The following TGFBI variants were observed in gnomAD, a reference collection of about 807,000 sequenced individuals.
The protein encoded by TGFBI is transforming growth factor beta induced.
Under a neutral mutation model 73.7 loss-of-function variants are expected in TGFBI, and 50 were observed. That is an observed-to-expected ratio of 0.68 (90% CI 0.54 to 0.86). TGFBI has a LOEUF of 0.86. TGFBI is among the 40% of genes least tolerant of loss of function. TGFBI has a pLI of 0.00. For synonymous variants in TGFBI, 362 were observed against 360.5 expected (o/e 1.00, Z -0.05); for missense variants, 839 against 877.0 (o/e 0.96, Z 0.55).
At chr5:136,057,244 G>A (rs1358829334) in intron 12 of TGFBI, among the ~76,000 whole-genome samples, 5 of 152,184 alleles carry the variant, frequency 3.3e-5, no homozygotes, top group Admixed American at 6.5e-5. Context: ...GCAGGAAACC[G>A]GGCAGAGAGG....
Position 136,029,039 on chromosome 5 carries a change from G to T in TGFBI, c.-17G>T. On this transcript the variant is annotated 5_prime_UTR_variant, in exon 1 of 17. Transcript: ENST00000442011. ...CCCGTCGGTCGCTAGCTCGCTCGGT[G>T]CGCGTCGTCCCGCTCCATGGCGCTC... The T allele has an allele frequency of 6.6e-7, 1 of 1,520,686 alleles. No homozygotes were observed. Among genetic ancestry groups the T allele is most frequent in the Non-Finnish European group, 8.8e-7 (1 of 1,141,232 alleles). The allele number at this position is 1,520,686 out of a possible 1,614,324, so 94.2% of individuals were successfully genotyped here.
chr5:136,036,313 G>A (rs1201522707), intron 2 of TGFBI, among the ~76,000 whole-genome samples: 1 of 152,208 alleles, frequency 6.6e-6, no homozygotes, highest in Non-Finnish European at 1.5e-5. Context: ...AGAAGGATAT[G>A]ACATTTACAT....
Position 136,062,328 on chromosome 5 carries a change from C to T in TGFBI, c.1987-335C>T, listed in dbSNP as rs555266940. Among the ~76,000 whole-genome samples, 5 of 152,190 alleles carry T rather than the reference C, an allele frequency of 3.3e-5. No homozygotes were observed. The East Asian group carries it at 5.8e-4, about 18-fold the overall frequency. On this transcript the variant is annotated intron_variant, in intron 15 of 16. Transcript: ENST00000442011. Reference sequence around the variant, plus strand: ...TACACAGGGGTCTCCTTAGTGCCCTCGAGAAGGATTCTTGGCCCTGAGCTT... The same window carrying T: ...TACACAGGGGTCTCCTTAGTGCCCTTGAGAAGGATTCTTGGCCCTGAGCTT...
Position 136,063,349 on chromosome 5 carries a change from C to T in TGFBI, c.*123C>T. 3 of 853,660 alleles carry T rather than the reference C, an allele frequency of 3.5e-6. No homozygotes were observed. The South Asian group carries it at 4.5e-5, about 13-fold the overall frequency. The allele number at this position is 853,660 out of a possible 1,614,324, so 52.9% of individuals were successfully genotyped here. A position where few individuals can be genotyped will look rare whatever the true frequency, so the allele number is the denominator to read the frequency against. ...ACACTTTAATGTACATGGGCCGCACCATAATGAGATGTGAGCCTTGTGCAT... is the reference window on the plus strand; with the variant it reads ...ACACTTTAATGTACATGGGCCGCACTATAATGAGATGTGAGCCTTGTGCAT... On this transcript the variant is annotated 3_prime_UTR_variant, in exon 17 of 17. Transcript: ENST00000442011.
Position 136,054,719 on chromosome 5 carries a change from G to T in TGFBI, c.1268G>T (p.Gly423Val), listed in dbSNP as rs1316427418. The change falls in exon 10 of 17, where the codon GGA becomes GTA. Residue 423 changes from glycine to valine, a missense_variant. Gly to Val is a moderately radical substitution (Grantham distance 109). Coordinates refer to ENST00000442011, the MANE Select transcript of TGFBI (RefSeq NM_000358.3). ...TAACCATCACCCTTTCTTGTAGATG[G>T]AACCCCTCCAATTGATGCCCATACA... ...LAPLNSVFKD[G>V]TPPIDAHTRN... 6.2e-7 allele frequency: 1 copy of T among 1,613,926 alleles called. No homozygotes were observed. The highest frequency in any genetic ancestry group is 8.5e-7 in the Non-Finnish European group (1 of 1,179,880).
intron 15 of TGFBI, among the ~76,000 whole-genome samples, chr5:136,061,807 C>T (rs543146447): frequency 5.6e-4 from 86 of 152,316 alleles, no homozygotes; most frequent in Middle Eastern, 3.4e-3. Flanking sequence ...GCTTTCACAC[C>T]GAGGCCTCTG....
At chr5:136,046,528 T>G in intron 4 of TGFBI, 33 bp downstream of exon 4, 1 of 1,568,642 alleles carries the variant, frequency 6.4e-7, no homozygotes, top group Non-Finnish European at 8.7e-7. Flanking sequence ...GGGGGACTCT[T>G]ATGGGGAACT....
At chr5:136,034,830 C>A (rs966162122) in intron 2 of TGFBI, among the ~76,000 whole-genome samples, 29 of 152,196 alleles carry the variant, frequency 1.9e-4, no homozygotes, top group Non-Finnish European at 1.5e-5. Flanking sequence ...GAAGGCCTGA[C>A]CTTCCTCCTG....
At chr5:136,051,246 A>G (rs924402058) in intron 7 of TGFBI, among the ~76,000 whole-genome samples, 1 of 152,166 alleles carries the variant, frequency 6.6e-6, no homozygotes, top group African/African-American at 2.4e-5. Context: ...CCTGGCCAAC[A>G]TGGTAAAACC....
At chr5:136,029,253 CGCTGGGGGCATTGAACTGG>C in intron 1 of TGFBI, 64 bp downstream of exon 1, 1 of 1,401,704 alleles carries the variant, frequency 7.1e-7, no homozygotes, top group Non-Finnish European at 9.2e-7. Flanking sequence ...GAGCGCAAGC[CGCTGGGGGCATTGAACTGG>C]GCTGGGGGCG....
rs762495959 is a variant in TGFBI at position 136,029,124 on chromosome 5, G to T, written c.69G>T (p.Ala23=). The part of the protein sequence containing the change: ...ALALGPAATL[A]GPAKSPYQLV... Reference sequence around the variant, plus strand: ...CCCTGGGCCCCGCCGCGACCCTGGCGGGTCCCGCCAAGTCGCCCTACCAGC... The same window carrying T: ...CCCTGGGCCCCGCCGCGACCCTGGCTGGTCCCGCCAAGTCGCCCTACCAGC... Residue 23 remains alanine (A), a synonymous_variant, in exon 1 of 17, where the codon GCG becomes GCT. Coordinates refer to ENST00000442011, the MANE Select transcript of TGFBI (RefSeq NM_000358.3). 1 of 1,525,372 alleles carries T rather than the reference G, an allele frequency of 6.6e-7. No homozygotes were observed. The highest frequency in any genetic ancestry group is 1.2e-5 in the South Asian group (1 of 82,978). 94.5% of individuals were successfully genotyped at this position (1,525,372 alleles called of 1,614,324 possible).
chr5:136,053,268 G>C (rs968845588), intron 8 of TGFBI, 149 bp downstream of exon 8: 5 of 726,676 alleles, frequency 6.9e-6, no homozygotes, highest in Non-Finnish European at 1.1e-5. Flanking sequence ...CAAATGTGTG[G>C]GTTGTGACCA....
chr5:136,040,627 A>G (rs1751313115), intron 2 of TGFBI, among the ~76,000 whole-genome samples: 1 of 152,220 alleles, frequency 6.6e-6, no homozygotes, highest in African/African-American at 2.4e-5. Context: ...CGCTGTCCTA[A>G]GGGATCTGCT....
intron 8 of TGFBI, 83 bp from the exon 9 acceptor site, chr5:136,053,860 A>C: frequency 6.3e-7 from 1 of 1,582,266 alleles, no homozygotes; most frequent in South Asian, 1.1e-5. Context: ...ATTCCTGCTG[A>C]TGTGTGTCAT....
chr5:136,035,891 G>C (rs1009297612), intron 2 of TGFBI, among the ~76,000 whole-genome samples: 1 of 152,074 alleles, frequency 6.6e-6, no homozygotes, highest in Non-Finnish European at 1.5e-5. Flanking sequence ...TGACAAGCTG[G>C]CTACAGGGTA....
chr5:136,037,534 A>G (rs1327819003), intron 2 of TGFBI, among the ~76,000 whole-genome samples: 1 of 152,216 alleles, frequency 6.6e-6, no homozygotes, highest in Non-Finnish European at 1.5e-5. Context: ...TGGGACTGGA[A>G]TAGTCATAGC....
intron 11 of TGFBI, 171 bp from the exon 12 acceptor site, chr5:136,056,494 C>A: frequency 1.3e-6 from 1 of 749,196 alleles, no homozygotes; most frequent in Non-Finnish European, 2.2e-6. Flanking sequence ...CCTGGAATCA[C>A]TCCCTCTTTG....
chr5:136,055,949 C>A, intron 11 of TGFBI, 133 bp downstream of exon 11: 2 of 941,910 alleles, frequency 2.1e-6, no homozygotes, highest in East Asian at 2.9e-5. Context: ...CTGCTGCGAC[C>A]TTCCAGACTT....
intron 2 of TGFBI, among the ~76,000 whole-genome samples, chr5:136,037,396 C>T (rs181635566): frequency 3.9e-5 from 6 of 152,262 alleles, no homozygotes; most frequent in Non-Finnish European, 5.9e-5. Context: ...AAATTTTTTA[C>T]GTGTGGCACT....
Sources: gnomAD v4.1 joint callset for allele counts (sites outside exome capture counted in the v4.1 genomes callset) on GRCh38, gnomAD v4.1.1 for gene constraint, MANE v1.5 for transcripts, NCBI Gene and HGNC (gene_info 2026-07-23, HGNC 2026-07-21) for gene names.